KCNIP3: variants seen among roughly 807,000 people sequenced by gnomAD.
KCNIP3 encodes the protein calsenilin.
Under a neutral mutation model 35.0 loss-of-function variants are expected in KCNIP3, and 28 were observed. The observed-to-expected ratio is 0.80, with a 90% CI of 0.59 to 1.10. The LOEUF (loss-of-function observed/expected upper bound fraction) is 1.10. KCNIP3 is among the 50% of genes least tolerant of loss of function. KCNIP3 has a pLI of 0.00. For missense variants in KCNIP3, 295 were observed against 338.4 expected, an observed-to-expected ratio of 0.87 and a Z score of 1.01; for synonymous variants, 134 against 133.8, an observed-to-expected ratio of 1.00 and a Z score of -0.01.
chr2:95,347,477 C>T (rs1476112734), intron 2 of KCNIP3, among the ~76,000 whole-genome samples: 1 of 152,162 alleles, frequency 6.6e-6, no homozygotes, highest in Non-Finnish European at 1.5e-5. Context: ...GAAGGACCCT[C>T]AGCCCAGGGC....
intron 1 of KCNIP3, among the ~76,000 whole-genome samples, chr2:95,308,502 G>T (rs760259245): frequency 6.6e-6 from 1 of 152,182 alleles, no homozygotes; most frequent in Non-Finnish European, 1.5e-5. Flanking sequence ...AATGTGGATA[G>T]GCCTCAGGGG....
rs1680222538 is a variant in KCNIP3 at position 95,377,163 on chromosome 2, G to A, written c.447+1955G>A. Among the ~76,000 whole-genome samples the A allele has an allele frequency of 6.6e-6, 1 of 152,224 alleles. No individual in the cohort carries two copies. Among genetic ancestry groups the A allele is most frequent in the African/African-American group, 2.4e-5 (1 of 41,460 alleles). On this transcript the variant is annotated intron_variant, in intron 5 of 8. Coordinates refer to ENST00000295225, the MANE Select transcript of KCNIP3 (RefSeq NM_013434.5). This position sits in a 1 kb window ranked among gnomAD's most constrained non-coding sequence, Gnocchi z 4.7. ...CACACACAGATTTGCTGAACGCTCT[G>A]GCCACCAGGGCCTTTCTCGTGCAAC...
Position 95,349,117 on chromosome 2 carries a change from C to T in KCNIP3, c.182-25179C>T, listed in dbSNP as rs1341897129. On this transcript the variant is annotated intron_variant, in intron 2 of 8. Transcript: ENST00000295225. The stretch of plus-strand genomic sequence containing the variant: ...CCCCCGCCCCCCGTCAGAGGGAGGG[C>T]GTCGTGAGTTCCAGATGTTCTGTTG... Among the ~76,000 whole-genome samples, 4 of 152,142 alleles carry T rather than the reference C, an allele frequency of 2.6e-5. No homozygotes were observed. The East Asian group carries it at 5.8e-4, about 22-fold the overall frequency.
intron 8 of KCNIP3, among the ~76,000 whole-genome samples, 162 bp from the exon 9 acceptor site, chr2:95,383,840 G>A (rs957563880): frequency 6.6e-6 from 1 of 152,158 alleles, no homozygotes. Flanking sequence ...GGGGACCTCG[G>A]ACCAGCTACT....
chr2:95,334,252 T>G (rs1679002415), intron 2 of KCNIP3, among the ~76,000 whole-genome samples: 1 of 152,208 alleles, frequency 6.6e-6, no homozygotes. Context: ...CAGCCTAGAC[T>G]GGCGGGGGGG....
intron 2 of KCNIP3, chr2:95,347,085 C>T (rs1426716482): frequency 1.9e-6 from 3 of 1,612,162 alleles, no homozygotes; most frequent in Admixed American, 1.7e-5. Context: ...TCGCCGTCCT[C>T]AAGCAGTTCG....
At chr2:95,306,611 G>A (rs1442003819) in intron 1 of KCNIP3, among the ~76,000 whole-genome samples, 1 of 152,228 alleles carries the variant, frequency 6.6e-6, no homozygotes, top group East Asian at 1.9e-4. Flanking sequence ...TGGGGCAGAA[G>A]TGTCCAGTGC....
At chr2:95,358,351 A>G (rs1250032829) in intron 2 of KCNIP3, among the ~76,000 whole-genome samples, 1 of 152,184 alleles carries the variant, frequency 6.6e-6, no homozygotes, top group Non-Finnish European at 1.5e-5. Flanking sequence ...AGAGAGGACT[A>G]CATGGGGTAT....
intron 2 of KCNIP3, among the ~76,000 whole-genome samples, chr2:95,325,765 A>G (rs572814117): frequency 3.6e-4 from 55 of 151,728 alleles, no homozygotes; most frequent in Non-Finnish European, 6.5e-4. Flanking sequence ...ACACACATAC[A>G]CACTCATATA....
chr2:95,317,548 G>A (rs569847227), intron 2 of KCNIP3, among the ~76,000 whole-genome samples: 3 of 152,154 alleles, frequency 2.0e-5, no homozygotes, highest in Admixed American at 6.5e-5. Context: ...GGCAGTCCCC[G>A]GAAAGGCTGG....
rs1411150463 is a variant in KCNIP3 at position 95,384,853 on chromosome 2, C to G, written c.*804C>G. ...AGGGTGGGATGAGCCTCTCCTTGCC[C>G]CAGTCCTGGTTCAGTGGGAATGCAG... On this transcript the variant is annotated 3_prime_UTR_variant, in exon 9 of 9. Coordinates refer to ENST00000295225, the MANE Select transcript of KCNIP3 (RefSeq NM_013434.5). The G allele has an allele frequency of 1.3e-5, 2 of 152,558 alleles. No homozygotes were observed. Among genetic ancestry groups the G allele is most frequent in the Non-Finnish European group, 2.9e-5 (2 of 68,308 alleles). 9.5% of individuals were successfully genotyped at this position (152,558 alleles called of 1,614,324 possible).
intron 2 of KCNIP3, among the ~76,000 whole-genome samples, chr2:95,341,721 C>T (rs1210234599): frequency 6.6e-6 from 1 of 152,176 alleles, no homozygotes; most frequent in Non-Finnish European, 1.5e-5. Context: ...CCTGGTTCTC[C>T]TGGACTCCCA....
At chr2:95,340,610 A>G (rs1305189225) in intron 2 of KCNIP3, among the ~76,000 whole-genome samples, 2 of 152,260 alleles carry the variant, frequency 1.3e-5, no homozygotes, top group Non-Finnish European at 2.9e-5. Context: ...ATCGTAGCCA[A>G]TGAAACATGA....
At position 95,377,037 on chromosome 2, in the gene KCNIP3, G is replaced by A. The variant is rs1680218011; in HGVS notation, c.447+1829G>A. ...ACACAGACCTCAACAGAGCCAAGCG[G>A]GCGATGCCATCCCCACACCCCACCT... On this transcript the variant is annotated intron_variant, in intron 5 of 8. Transcript: ENST00000295225. The surrounding 1 kb of genome is among the most constrained non-coding windows in gnomAD (Gnocchi z 4.7). 6.6e-6 allele frequency among the ~76,000 whole-genome samples: 1 copy of A among 152,196 alleles called. No homozygotes were observed. The highest frequency in any genetic ancestry group is 1.5e-5 in the Non-Finnish European group (1 of 68,042).
At chr2:95,313,972 TACACAC>T (rs561510914) in intron 2 of KCNIP3, 1 of 150,026 alleles carries the variant, frequency 6.7e-6, no homozygotes, top group African/African-American at 2.5e-5. Flanking sequence ...CACACACACA[TACACAC>T]ACACATGAGC....
At position 95,345,448 on chromosome 2, in the gene KCNIP3, G is replaced by A. The variant is rs544859622; in HGVS notation, c.182-28848G>A. ...GCGGCTCCCACCCCACCCAGGCAGC[G>A]AGCTCTGTGCCTGGGACCAAGCACC... is the stretch of plus-strand genomic sequence containing the variant. On this transcript the variant is annotated intron_variant, in intron 2 of 8. Coordinates refer to ENST00000295225, the MANE Select transcript of KCNIP3 (RefSeq NM_013434.5). 3.1e-4 allele frequency among the ~76,000 whole-genome samples: 47 copies of A among 152,370 alleles called. 1 individual carries two copies. In the South Asian group the frequency reaches 9.3e-3, roughly 30 times the overall value.
chr2:95,306,902 G>T (rs1678191656), intron 1 of KCNIP3, among the ~76,000 whole-genome samples: 1 of 152,214 alleles, frequency 6.6e-6, no homozygotes, highest in African/African-American at 2.4e-5. Context: ...TGACAGCTCA[G>T]TCAGACCCTC....
At chr2:95,360,190 CA>C (rs35137501) in intron 2 of KCNIP3, among the ~76,000 whole-genome samples, 21,135 of 85,574 alleles carry the variant, frequency 0.25, 1,459 homozygotes, top group East Asian at 0.39. Flanking sequence ...GACTCCGTCT[CA>C]AAAAAAAAAA....
rs2104301970 is a variant in KCNIP3 at position 95,376,221 on chromosome 2, A to C, written c.447+1013A>C. On this transcript the variant is annotated intron_variant, in intron 5 of 8. Transcript: ENST00000295225. This position sits in a 1 kb window ranked among gnomAD's most constrained non-coding sequence, Gnocchi z 4.2. ...CGGTTAGCATGGAGGAGCCTCAGGGAGGACTCAAGGTCCTTTCCCTGCCCC... is the reference window on the plus strand; with the variant it reads ...CGGTTAGCATGGAGGAGCCTCAGGGCGGACTCAAGGTCCTTTCCCTGCCCC... Among the ~76,000 whole-genome samples the C allele has an allele frequency of 6.6e-6, 1 of 152,328 alleles. No homozygotes were observed. The highest frequency in any genetic ancestry group is 2.4e-5 in the African/African-American group (1 of 41,584).
Sources: gnomAD v4.1 joint callset for allele counts (sites outside exome capture counted in the v4.1 genomes callset) on GRCh38, gnomAD v4.1.1 for gene constraint, Gnocchi (gnomAD v3.1) non-coding constraint, MANE v1.5 for transcripts, NCBI Gene and HGNC (gene_info 2026-07-23, HGNC 2026-07-21) for gene names.